The following LGI2 variants were observed in gnomAD, a reference collection of about 807,000 sequenced individuals.
LGI2 encodes the protein leucine rich repeat LGI family member 2, also known as leucine-rich repeat LGI family member 2.
LGI2 carries 30 observed loss-of-function variants against 52.0 expected under a neutral mutation model. The ratio of observed to expected loss-of-function variants is 0.58; its 90% confidence interval spans 0.43 to 0.78. The LOEUF (loss-of-function observed/expected upper bound fraction) is 0.78. LGI2 is among the 30% of genes least tolerant of loss of function. The pLI, the probability that LGI2 is intolerant of heterozygous loss-of-function variation, is 0.00. For missense variants in LGI2, 573 were observed against 692.5 expected (o/e 0.83, Z 1.94); for synonymous variants, 270 against 271.8 (o/e 0.99, Z 0.06).
At chr4:24,993,288 A>G in the LGI2 span, among the ~76,000 whole-genome samples, 1 of 152,012 alleles carries the variant, frequency 6.6e-6, no homozygotes, top group Admixed American at 6.5e-5. Context: ...TGGCTTTGCC[A>G]CTCTTCAGCT....
intron 1 of LGI2, among the ~76,000 whole-genome samples, chr4:25,030,268 CTG>C (rs1037666534): frequency 1.3e-5 from 2 of 152,232 alleles, no homozygotes; most frequent in Non-Finnish European, 2.9e-5. Context: ...GGGCCACACT[CTG>C]AGAAACGCTG....
intron 6 of LGI2, among the ~76,000 whole-genome samples, chr4:25,012,827 G>A (rs929534166): frequency 1.2e-4 from 18 of 152,208 alleles, no homozygotes; most frequent in African/African-American, 4.3e-4. Context: ...CGGACAGGAC[G>A]CTGCACAGCA....
At chr4:24,997,962 C>T (rs1304671810), downstream of LGI2, among the ~76,000 whole-genome samples, 1 of 152,182 alleles carries the variant, frequency 6.6e-6, no homozygotes, top group East Asian at 1.9e-4. Flanking sequence ...ACTGCAGCCT[C>T]AAACTCCTGG....
At chr4:25,016,221 AT>A (rs1347315928) in intron 6 of LGI2, among the ~76,000 whole-genome samples, 1 of 152,190 alleles carries the variant, frequency 6.6e-6, no homozygotes, top group Non-Finnish European at 1.5e-5. Flanking sequence ...ATTATTTCCT[AT>A]TCCCACGGCC....
In LGI2 at chr4:25,030,872, C is replaced by G. The variant is rs1203647666; in HGVS notation, c.-179G>C. On this transcript the variant is annotated 5_prime_UTR_variant, in exon 1 of 8. Coordinates refer to ENST00000382114, the MANE Select transcript of LGI2 (RefSeq NM_018176.4). ...AGCCGAGCAGCATGCTGGCCGCCAC[C>G]CCCACTCGGCGCCCCCCCACCCGAG... The G allele has an allele frequency of 5.2e-6, 1 of 192,950 alleles. No homozygotes were observed. Among genetic ancestry groups the G allele is most frequent in the African/African-American group, 2.4e-5 (1 of 42,014 alleles). 12.0% of individuals were successfully genotyped at this position (192,950 alleles called of 1,614,324 possible). A position where few individuals can be genotyped will look rare whatever the true frequency, so the allele number is the denominator to read the frequency against.
Position 25,018,167 on chromosome 4 carries a change from C to T in LGI2, c.486-9G>A, listed in dbSNP as rs376728279. 5 of 1,573,794 alleles carry T rather than the reference C, an allele frequency of 3.2e-6. No individual in the cohort carries two copies. The highest frequency in any genetic ancestry group is 3.4e-6 in the Non-Finnish European group (4 of 1,160,302). ...TATTACCCCTCAAATCTCTAAAAAT[C>T]AAAATAAAACACAAACACATACAAA... is the stretch of plus-strand genomic sequence containing the variant. On this transcript the variant is annotated splice_polypyrimidine_tract_variant and intron_variant, in intron 5 of 7. Transcript: ENST00000382114.
intron 4 of LGI2, among the ~76,000 whole-genome samples, chr4:25,023,598 G>T (rs568310474): frequency 6.6e-6 from 1 of 152,144 alleles, no homozygotes; most frequent in Non-Finnish European, 1.5e-5. Flanking sequence ...CTCATTAGAT[G>T]ACTATGTCCA....
Position 25,003,537 on chromosome 4 carries a change from T to C in LGI2, c.1552A>G (p.Thr518Ala), listed in dbSNP as rs756947254. ...GCAAAAAAGAAATCTCTCCTGTCGGTGGAGACAGCTGTGAATGAACGAGGC... is the reference window on the plus strand; with the variant it reads ...GCAAAAAAGAAATCTCTCCTGTCGGCGGAGACAGCTGTGAATGAACGAGGC... ...QAPRSFTAVS[T>A]DRRDFFFASS... Residue 518 changes from threonine (T) to alanine (A), a missense_variant, in exon 8 of 8, where the codon ACC (threonine) becomes GCC (alanine). Thr to Ala is a moderately conservative substitution (Grantham distance 58). Coordinates refer to ENST00000382114, the MANE Select transcript of LGI2 (RefSeq NM_018176.4). 6.2e-6 allele frequency: 10 copies of C among 1,613,528 alleles called. No homozygotes were observed. The Admixed American group carries it at 1.0e-4, about 16-fold the overall frequency.
At chr4:25,008,972 G>T (rs551178791) in intron 7 of LGI2, among the ~76,000 whole-genome samples, 2 of 152,262 alleles carry the variant, frequency 1.3e-5, no homozygotes, top group Admixed American at 6.5e-5. Context: ...GGCCATACTC[G>T]CTTGCCTGGG....
intron 1 of LGI2, 59 bp from the exon 2 acceptor site, chr4:25,028,637 G>T: frequency 6.9e-7 from 1 of 1,441,856 alleles, no homozygotes; most frequent in Non-Finnish European, 9.6e-7. Flanking sequence ...TGCCATGCAG[G>T]GTGGGTAATC....
intron 4 of LGI2, among the ~76,000 whole-genome samples, chr4:25,021,994 C>G (rs558503875): frequency 2.4e-4 from 36 of 150,796 alleles, no homozygotes; most frequent in African/African-American, 8.3e-4. Flanking sequence ...TATGGGAAAT[C>G]TAACTCCATT....
intron 7 of LGI2, among the ~76,000 whole-genome samples, chr4:25,009,729 G>A (rs926728788): frequency 4.6e-5 from 7 of 151,778 alleles, no homozygotes; most frequent in East Asian, 3.9e-4. Context: ...TCCGCCTCCC[G>A]GGTTCAAGCA....
In LGI2 at chr4:25,000,180, T is replaced by G. The variant is rs954637983; in HGVS notation, c.*3271A>C. Reference sequence around the variant, plus strand: ...CTGGCTATGCATATTTTATTGCACTTTTTACTTTATCTCAAGGTGCTGCCA... The same window carrying G: ...CTGGCTATGCATATTTTATTGCACTGTTTACTTTATCTCAAGGTGCTGCCA... On this transcript the variant is annotated 3_prime_UTR_variant, in exon 8 of 8. Coordinates refer to ENST00000382114, the MANE Select transcript of LGI2 (RefSeq NM_018176.4). 1 of 178,380 alleles carries G rather than the reference T, an allele frequency of 5.6e-6. No homozygotes were observed. Among genetic ancestry groups the G allele is most frequent in the African/African-American group, 2.4e-5 (1 of 41,814 alleles). The allele number at this position is 178,380 out of a possible 1,614,324, so 11.0% of individuals were successfully genotyped here.
chr4:25,021,497 G>A (rs967384756), intron 4 of LGI2, among the ~76,000 whole-genome samples: 1 of 152,292 alleles, frequency 6.6e-6, no homozygotes, highest in Admixed American at 6.5e-5. Flanking sequence ...CCGTAAGCAC[G>A]GGGGTGAACT....
At chr4:25,012,639 A>C in intron 6 of LGI2, 140 bp from the exon 7 acceptor site, 1 of 798,206 alleles carries the variant, frequency 1.3e-6, no homozygotes, top group Non-Finnish European at 2.0e-6. Flanking sequence ...CAACACAAAC[A>C]TCACAGCGTA....
At chr4:25,028,418 G>A in intron 2 of LGI2, 89 bp downstream of exon 2, 1 of 1,212,334 alleles carries the variant, frequency 8.2e-7, no homozygotes, top group Non-Finnish European at 1.2e-6. Context: ...GGTACTTTAG[G>A]AAGGGCTGAT....
At chr4:25,010,595 T>C (rs762084322) in intron 7 of LGI2, among the ~76,000 whole-genome samples, 1 of 152,198 alleles carries the variant, frequency 6.6e-6, no homozygotes, top group Admixed American at 6.5e-5. Flanking sequence ...GTTGGGAGTA[T>C]AATCCGTGTG....
chr4:25,001,495 C>T lies in LGI2; in HGVS notation c.*1956G>A, dbSNP rs12642726. The T allele has an allele frequency of 0.11, 16,242 of 152,154 alleles. 1,081 individuals carry two copies. Among genetic ancestry groups the T allele is most frequent in the South Asian group, 0.28 (1,356 of 4,822 alleles). The allele number at this position is 152,154 out of a possible 1,614,324, so 9.4% of individuals were successfully genotyped here. On this transcript the variant is annotated 3_prime_UTR_variant, in exon 8 of 8. Coordinates refer to ENST00000382114, the MANE Select transcript of LGI2 (RefSeq NM_018176.4). The stretch of plus-strand genomic sequence containing the variant: ...TTAGGACTGGAGGAATGGCAAAGCT[C>T]TTTCCCTTTCAGCCTCCAATGGGGG...
In LGI2 at chr4:25,028,548, G is replaced by C. The variant is rs1162820331; in HGVS notation, c.228C>G (p.Ile76Met). 1.2e-6 allele frequency: 2 copies of C among 1,613,488 alleles called. No individual in the cohort carries two copies. Among genetic ancestry groups the C allele is most frequent in the Non-Finnish European group, 1.7e-6 (2 of 1,179,860 alleles). Residue 76 changes from isoleucine to methionine, a missense_variant, in exon 2 of 8, where the codon ATC becomes ATG. Coordinates refer to ENST00000382114, the MANE Select transcript of LGI2 (RefSeq NM_018176.4). ...LSLVNGTFSEIKDRMFSHLPS... is the reference protein window; with the variant it reads ...LSLVNGTFSEMKDRMFSHLPS... ...GCAGATGGGAAAACATTCGGTCCTT[G>C]ATTTCTGAAAACGTCCCATTTACCA... is the stretch of plus-strand genomic sequence containing the variant.
Sources: gnomAD v4.1 joint callset for allele counts (sites outside exome capture counted in the v4.1 genomes callset) on GRCh38, gnomAD v4.1.1 for gene constraint, MANE v1.5 for transcripts, NCBI Gene and HGNC (gene_info 2026-07-23, HGNC 2026-07-21) for gene names.